GFRA3: variants seen among roughly 807,000 people sequenced by gnomAD.
The protein encoded by GFRA3 is GDNF family receptor alpha-3.
A neutral mutation model predicts 40.0 loss-of-function variants in GFRA3; 24 were observed. That is an observed-to-expected ratio of 0.60 (90% CI 0.43 to 0.84). The LOEUF (loss-of-function observed/expected upper bound fraction) is 0.84. GFRA3 is among the 40% of genes least tolerant of loss of function. The pLI, the probability that GFRA3 is intolerant of heterozygous loss-of-function variation, is 0.00. For synonymous variants in GFRA3, 203 were observed against 213.5 expected (o/e 0.95, Z 0.43); for missense variants, 405 against 530.6 (o/e 0.76, Z 2.33).
At chr5:138,255,428 TG>T (rs1185679784) in intron 4 of GFRA3, among the ~76,000 whole-genome samples, 3 of 152,208 alleles carry the variant, frequency 2.0e-5, no homozygotes, top group Admixed American at 6.6e-5. Context: ...GCTTCAATTT[TG>T]TAAGTGTTTT....
chr5:138,273,137 C>T lies in GFRA3; in HGVS notation c.91+1197G>A, dbSNP rs111409985. Among the ~76,000 whole-genome samples the T allele has an allele frequency of 2.2e-4, 33 of 152,288 alleles. 1 individual carries two copies. Among genetic ancestry groups the T allele is most frequent in the African/African-American group, 7.5e-4 (31 of 41,566 alleles). On this transcript the variant is annotated intron_variant, in intron 1 of 7. Coordinates refer to ENST00000274721, the MANE Select transcript of GFRA3 (RefSeq NM_001496.4). ...ATTTTCAGTACATGACACCACTTCC[C>T]CATGAATCGGAGGTCTCCTATATGC...
At position 138,274,396 on chromosome 5, in the gene GFRA3, AG is replaced by A; in HGVS notation, c.28del (p.Leu10CysfsTer4). 7.6e-7 allele frequency: 1 copy of A among 1,315,324 alleles called. No homozygotes were observed. The highest frequency in any genetic ancestry group is 2.4e-5 in the South Asian group (1 of 42,414). 81.5% of individuals were successfully genotyped at this position (1,315,324 alleles called of 1,614,324 possible). MVRPLNPRP[L>X]PPVVLMLLLL... is the part of the protein sequence containing the mutation. ...CAGCAACATCAGGACTACGGGCGGC[AG>A]CGGTCGCGGGTTCAGGGGGCGCACC... On this transcript the variant is annotated frameshift_variant, in exon 1 of 8. Transcript: ENST00000274721. LOFTEE classifies it high-confidence loss of function.
chr5:138,261,726 A>G (rs896427141), intron 2 of GFRA3, among the ~76,000 whole-genome samples: 1 of 151,294 alleles, frequency 6.6e-6, no homozygotes, highest in Non-Finnish European at 1.5e-5. Flanking sequence ...AAGAAGAAGA[A>G]GAAGAAATGC....
In GFRA3 at chr5:138,264,691, G is replaced by C. The variant is rs1401500920; in HGVS notation, c.92-143C>G. ...GCACAAAAGGCCTTTAAGAATAAGTGTGGAGAGAGAGAGAAGCCCAGCAGG... is the reference window on the plus strand; with the variant it reads ...GCACAAAAGGCCTTTAAGAATAAGTCTGGAGAGAGAGAGAAGCCCAGCAGG... On this transcript the variant is annotated intron_variant, in intron 1 of 7. Transcript: ENST00000274721. The C allele has an allele frequency of 6.6e-6, 4 of 608,140 alleles. No individual in the cohort carries two copies. In the Admixed American group the frequency reaches 1.2e-4, roughly 18 times the overall value. 37.7% of individuals were successfully genotyped at this position (608,140 alleles called of 1,614,324 possible).
intron 1 of GFRA3, among the ~76,000 whole-genome samples, chr5:138,268,017 C>T (rs1368840346): frequency 6.6e-6 from 1 of 151,700 alleles, no homozygotes; most frequent in African/African-American, 2.4e-5. Flanking sequence ...TAAATCTGGC[C>T]ACCACGCCTG....
intron 1 of GFRA3, among the ~76,000 whole-genome samples, chr5:138,273,157 A>G (rs79085402): frequency 6.6e-6 from 1 of 152,150 alleles, no homozygotes; most frequent in Non-Finnish European, 1.5e-5. Context: ...GAGGTCTCCT[A>G]TATGCTTGGC....
At chr5:138,274,223 G>C (rs1404554824) in intron 1 of GFRA3, 111 bp downstream of exon 1, 2 of 1,272,978 alleles carry the variant, frequency 1.6e-6, no homozygotes, top group Admixed American at 6.2e-5. Flanking sequence ...TGTTCGGCTC[G>C]GATGCACCGG....
intron 1 of GFRA3, 116 bp downstream of exon 1, chr5:138,274,218 G>A: frequency 7.9e-7 from 1 of 1,262,544 alleles, no homozygotes; most frequent in South Asian, 3.4e-5. Context: ...CCCCTTGTTC[G>A]GCTCGGATGC....
chr5:138,268,207 C>A (rs2126619369), intron 1 of GFRA3, among the ~76,000 whole-genome samples: 1 of 134,284 alleles, frequency 7.4e-6, no homozygotes, highest in East Asian at 2.5e-4. Context: ...ATCGCTTGAA[C>A]CCAGGAGGCA....
intron 2 of GFRA3, among the ~76,000 whole-genome samples, chr5:138,263,214 G>A (rs1440654555): frequency 1.3e-5 from 2 of 152,108 alleles, no homozygotes; most frequent in Non-Finnish European, 2.9e-5. Context: ...TGATCCGCCT[G>A]CCTTGGCCTC....
chr5:138,268,267 A>G (rs1341579049), intron 1 of GFRA3, among the ~76,000 whole-genome samples: 3 of 123,562 alleles, frequency 2.4e-5, no homozygotes, highest in Non-Finnish European at 4.9e-5. Context: ...CCTGGGCAGC[A>G]GGGTGAGACT....
chr5:138,260,824 T>G (rs575474480), intron 2 of GFRA3, among the ~76,000 whole-genome samples: 2 of 150,848 alleles, frequency 1.3e-5, no homozygotes, highest in Non-Finnish European at 2.9e-5. Flanking sequence ...ACCTAGGAAC[T>G]TGAGACCAGC....
At chr5:138,262,975 T>C (rs1755732778) in intron 2 of GFRA3, among the ~76,000 whole-genome samples, 1 of 151,666 alleles carries the variant, frequency 6.6e-6, no homozygotes, top group Non-Finnish European at 1.5e-5. Flanking sequence ...TTTTTGCTTG[T>C]TTTTTTCGAG....
In GFRA3 at chr5:138,258,166, C is replaced by CTTTTTTTTTTT. The variant is rs66792829; in HGVS notation, c.473-226_473-216dup. Reference sequence around the variant, plus strand: ...TTGAAGCCTTCCCCACCCTACTCCTCTTTTTTTTTTTTTTTTTTTTTTTTT... The same window carrying CTTTTTTTTTTT: ...TTGAAGCCTTCCCCACCCTACTCCTCTTTTTTTTTTTTTTTTTTTTTTTTTTTTTTTTTTTT... On this transcript the variant is annotated intron_variant, in intron 3 of 7. Transcript: ENST00000274721. 4.5e-4 allele frequency among the ~76,000 whole-genome samples: 23 copies of CTTTTTTTTTTT among 51,652 alleles called. 1 individual carries two copies. Among genetic ancestry groups the CTTTTTTTTTTT allele is most frequent in the East Asian group, 6.7e-4 (1 of 1,488 alleles). The allele number at this position is 51,652 out of a possible 152,430, so 33.9% of individuals were successfully genotyped here.
chr5:138,259,412 TC>T, intron 3 of GFRA3, 144 bp downstream of exon 3: 1 of 649,496 alleles, frequency 1.5e-6, no homozygotes, highest in East Asian at 2.8e-5. Flanking sequence ...AGCTCACACT[TC>T]CAGCCTGACA....
intron 4 of GFRA3, among the ~76,000 whole-genome samples, chr5:138,254,580 C>A (rs1755600129): frequency 6.6e-6 from 1 of 152,154 alleles, no homozygotes; most frequent in Admixed American, 6.6e-5. Flanking sequence ...CCAAATCCTC[C>A]TCTGCCTTCA....
chr5:138,257,576 C>T (rs1165857286), intron 4 of GFRA3, 63 bp downstream of exon 4: 19 of 1,426,572 alleles, frequency 1.3e-5, no homozygotes, highest in East Asian at 4.9e-5. Context: ...AGCACAGGAA[C>T]GTGGCCAGGA....
intron 1 of GFRA3, among the ~76,000 whole-genome samples, chr5:138,273,252 G>A (rs1429707640): frequency 6.6e-6 from 1 of 152,096 alleles, no homozygotes; most frequent in Non-Finnish European, 1.5e-5. Flanking sequence ...GCTCTACATG[G>A]TACCTCCTAG....
intron 4 of GFRA3, among the ~76,000 whole-genome samples, chr5:138,255,212 CAGTAT>C (rs1181635437): frequency 2.0e-5 from 3 of 152,170 alleles, no homozygotes; most frequent in African/African-American, 7.2e-5. Context: ...GTACTTAAAA[CAGTAT>C]CTAGCCCTAG....
Sources: allele counts gnomAD v4.1 joint callset (sites outside exome capture counted in the v4.1 genomes callset), GRCh38; gene constraint gnomAD v4.1.1; transcripts MANE v1.5; gene names NCBI Gene and HGNC (gene_info 2026-07-23, HGNC 2026-07-21).